SNX30: variants seen among roughly 807,000 people sequenced by gnomAD.
The protein encoded by SNX30 is sorting nexin-30.
In SNX30, 24 loss-of-function variants were observed where a neutral mutation model predicts 46.4. That is an observed-to-expected ratio of 0.52 (90% CI 0.37 to 0.73). SNX30 has a LOEUF of 0.73. Among genes scored for constraint, SNX30 ranks in the 30% least tolerant of loss-of-function variants. The pLI is 0.00. For missense variants in SNX30, 533 were observed against 555.7 expected (o/e 0.96, Z 0.41); for synonymous variants, 189 against 211.5 (o/e 0.89, Z 0.92).
At chr9:112,858,085 T>C (rs1841165721) in intron 7 of SNX30, among the ~76,000 whole-genome samples, 1 of 152,216 alleles carries the variant, frequency 6.6e-6, no homozygotes, top group African/African-American at 2.4e-5. Context: ...TGAGGTCTTA[T>C]CTGGTGATAT....
rs998341806 is a variant in SNX30, at chr9:112,870,226, G to A, written c.*1383G>A. On this transcript the variant is annotated 3_prime_UTR_variant, in exon 9 of 9. Coordinates refer to ENST00000374232, the MANE Select transcript of SNX30 (RefSeq NM_001012994.2). ...GTCATGTTTGTGTTCTTTCATCTGT[G>A]GCTCATCCCTGTAAAACTACGAATC... 6.6e-6 allele frequency: 1 copy of A among 151,744 alleles called. No homozygotes were observed. The highest frequency in any genetic ancestry group is 2.4e-5 in the African/African-American group (1 of 41,232). The allele number at this position is 151,744 out of a possible 1,614,324, so 9.4% of individuals were successfully genotyped here. A position where few individuals can be genotyped will look rare whatever the true frequency, so the allele number is the denominator to read the frequency against.
rs150323385 is a variant in SNX30, at chr9:112,856,022, G to C, written c.1101+5077G>C. ...TGACAGTGAGGGTAACAGAGAGGGA[G>C]CTCTTGCCTTTTCCTGTCTTCTGCG... On this transcript the variant is annotated intron_variant, in intron 7 of 8. Coordinates refer to ENST00000374232, the MANE Select transcript of SNX30 (RefSeq NM_001012994.2). Among the ~76,000 whole-genome samples, 169 of 152,256 alleles carry C rather than the reference G, an allele frequency of 1.1e-3. 1 individual carries two copies. Among genetic ancestry groups the C allele is most frequent in the Middle Eastern group, 0.01 (3 of 294 alleles).
chr9:112,817,632 A>G (rs1840421021), intron 2 of SNX30, 73 bp from the exon 3 acceptor site: 1 of 872,466 alleles, frequency 1.1e-6, no homozygotes, highest in East Asian at 2.4e-5. Context: ...TTATTCTAAG[A>G]GCTTTTTTCC....
intron 1 of SNX30, among the ~76,000 whole-genome samples, chr9:112,769,729 C>G (rs1255205258): frequency 6.6e-6 from 1 of 151,624 alleles, no homozygotes; most frequent in Non-Finnish European, 1.5e-5. Context: ...GCAATCTCAT[C>G]CAGCCTCACA....
intron 8 of SNX30, among the ~76,000 whole-genome samples, chr9:112,864,891 A>G (rs1327254001): frequency 4.6e-5 from 7 of 152,094 alleles, no homozygotes; most frequent in African/African-American, 1.7e-4. Context: ...AAATACGTAA[A>G]ATAAAGGGAT....
intron 7 of SNX30, among the ~76,000 whole-genome samples, chr9:112,853,923 A>C (rs947690623): frequency 6.6e-6 from 1 of 152,242 alleles, no homozygotes; most frequent in South Asian, 2.1e-4. Context: ...AAGGAAAAAT[A>C]GAAGTCACTT....
At chr9:112,829,995 C>A (rs959775254) in intron 3 of SNX30, among the ~76,000 whole-genome samples, 1 of 152,116 alleles carries the variant, frequency 6.6e-6, no homozygotes, top group African/African-American at 2.4e-5. Flanking sequence ...GCAGATACTT[C>A]TTTTCCCTGT....
At chr9:112,793,247 C>G (rs926740663) in intron 1 of SNX30, among the ~76,000 whole-genome samples, 2 of 152,186 alleles carry the variant, frequency 1.3e-5, no homozygotes, top group Non-Finnish European at 2.9e-5. Context: ...AGCTGCTCCC[C>G]CCATCTCAGT....
At chr9:112,883,956 A>T (rs1841614462), downstream of SNX30, among the ~76,000 whole-genome samples, 2 of 152,138 alleles carry the variant, frequency 1.3e-5, no homozygotes, top group Admixed American at 1.3e-4. Context: ...TGGCCTCCCA[A>T]AGTGCTGGGA....
intron 6 of SNX30, among the ~76,000 whole-genome samples, chr9:112,849,688 T>G (rs1840994292): frequency 6.6e-6 from 1 of 152,208 alleles, no homozygotes; most frequent in Admixed American, 6.5e-5. Flanking sequence ...CATTAGAAGG[T>G]TGAACCCACA....
Position 112,754,080 on chromosome 9 carries a change from C to T in SNX30, c.156+2923C>T, listed in dbSNP as rs551961761. Among the ~76,000 whole-genome samples the T allele has an allele frequency of 4.6e-5, 7 of 152,268 alleles. No homozygotes were observed. The East Asian group carries it at 1.2e-3, about 25-fold the overall frequency. On this transcript the variant is annotated intron_variant, in intron 1 of 8. Transcript: ENST00000374232. ...GTGATCCTGGATGACAGGGATTCTG[C>T]GTCAGTTCTGGGCCAGGGGAATGAA...
intron 1 of SNX30, among the ~76,000 whole-genome samples, chr9:112,764,081 G>T (rs556554700): frequency 6.6e-6 from 1 of 152,210 alleles, no homozygotes; most frequent in East Asian, 1.9e-4. Context: ...GTTATGTATA[G>T]GGAATAAAGT....
chr9:112,868,942 A>G lies in SNX30; in HGVS notation c.*99A>G. On this transcript the variant is annotated 3_prime_UTR_variant, in exon 9 of 9. Transcript: ENST00000374232. ...CCAGAGACGCAGTGCTGGGAAAACA[A>G]CCACAGAAACATCTCTCCTTTGTGT... is the stretch of plus-strand genomic sequence containing the variant. 2.6e-6 allele frequency: 3 copies of G among 1,143,342 alleles called. No homozygotes were observed. Among genetic ancestry groups the G allele is most frequent in the South Asian group, 2.5e-5 (2 of 81,216 alleles). 70.8% of individuals were successfully genotyped at this position (1,143,342 alleles called of 1,614,324 possible).
chr9:112,793,215 A>T (rs1840054251), intron 1 of SNX30, among the ~76,000 whole-genome samples: 1 of 152,216 alleles, frequency 6.6e-6, no homozygotes, highest in African/African-American at 2.4e-5. Context: ...ATGGGAAAGA[A>T]GCCTGGCTTT....
chr9:112,822,930 G>A (rs923035482), intron 3 of SNX30, among the ~76,000 whole-genome samples: 7 of 152,108 alleles, frequency 4.6e-5, no homozygotes, highest in Non-Finnish European at 7.3e-5. Context: ...AGTACCATAA[G>A]ATGTTTTGAG....
At chr9:112,756,992 G>T (rs1485299969) in intron 1 of SNX30, among the ~76,000 whole-genome samples, 1 of 152,096 alleles carries the variant, frequency 6.6e-6, no homozygotes, top group African/African-American at 2.4e-5. Context: ...TGTTTTTGTG[G>T]CAAGAGCATC....
At chr9:112,783,402 A>G (rs780574644) in intron 1 of SNX30, among the ~76,000 whole-genome samples, 19 of 152,220 alleles carry the variant, frequency 1.2e-4, no homozygotes, top group Non-Finnish European at 2.6e-4. Context: ...GAGACATTTA[A>G]TATGTAAAGT....
chr9:112,812,267 A>T (rs544469986), intron 2 of SNX30, among the ~76,000 whole-genome samples: 4 of 152,058 alleles, frequency 2.6e-5, no homozygotes, highest in South Asian at 4.2e-4. Flanking sequence ...TTATTTATTT[A>T]TTTTTTGAGA....
chr9:112,813,037 C>T (rs1398714170), intron 2 of SNX30, among the ~76,000 whole-genome samples: 2 of 152,090 alleles, frequency 1.3e-5, no homozygotes, highest in African/African-American at 4.8e-5. Flanking sequence ...GTCCCAGCTA[C>T]TTGGGAGGCT....
Sources: allele counts gnomAD v4.1 joint callset (sites outside exome capture counted in the v4.1 genomes callset), GRCh38; gene constraint gnomAD v4.1.1; transcripts MANE v1.5; gene names NCBI Gene and HGNC (gene_info 2026-07-23, HGNC 2026-07-21).